The following DCDC1 variants were observed in gnomAD, a reference collection of about 807,000 sequenced individuals.
DCDC1 encodes the protein doublecortin domain containing 1.
Under a neutral mutation model 178.3 loss-of-function variants are expected in DCDC1, and 200 were observed. That is an observed-to-expected ratio of 1.12 (90% CI 1.00 to 1.26). The LOEUF is 1.26. Ranked by LOEUF, DCDC1 falls within the 50% of genes most tolerant of loss-of-function variation. The pLI is 0.00. For missense variants in DCDC1, 1,983 were observed against 1,749.2 expected (o/e 1.13, Z -2.38); for synonymous variants, 690 against 604.8 (o/e 1.14, Z -2.07).
At chr11:30,973,110 A>T (rs937705513) in intron 20 of DCDC1, among the ~76,000 whole-genome samples, 4 of 151,892 alleles carry the variant, frequency 2.6e-5, no homozygotes, top group Non-Finnish European at 5.9e-5. Flanking sequence ...CATCTCTACT[A>T]AAAATACAAA....
At chr11:30,917,179 A>G (rs556539093) in intron 25 of DCDC1, among the ~76,000 whole-genome samples, 151 bp from the exon 26 acceptor site, 1 of 152,324 alleles carries the variant, frequency 6.6e-6, no homozygotes, top group Non-Finnish European at 1.5e-5. Flanking sequence ...GGAAATTCAC[A>G]TCTCACTAAT....
At chr11:31,125,103 A>G (rs1286484495) in intron 11 of DCDC1, among the ~76,000 whole-genome samples, 1 of 152,160 alleles carries the variant, frequency 6.6e-6, no homozygotes, top group African/African-American at 2.4e-5. Flanking sequence ...CCCCATTAAA[A>G]AGTGGGCAAA....
intron 9 of DCDC1, among the ~76,000 whole-genome samples, chr11:31,208,196 T>C (rs1470379030): frequency 6.6e-6 from 1 of 152,174 alleles, no homozygotes; most frequent in Non-Finnish European, 1.5e-5. Context: ...GTCTGTTCAA[T>C]TACCTACTCA....
intron 8 of DCDC1, among the ~76,000 whole-genome samples, chr11:31,261,876 A>G (rs760077581): frequency 6.6e-6 from 1 of 152,202 alleles, no homozygotes; most frequent in African/African-American, 2.4e-5. Flanking sequence ...GTAACAATAA[A>G]AATGTCTTTA....
rs761884719 is a variant in DCDC1, at chr11:31,307,788, T to C, written c.285A>G (p.Gln95=). The stretch of plus-strand genomic sequence containing the variant: ...ATGCTGTTTGATGTGTGGAGCAATC[T>C]TGAAGTCCTGACCCTTCTGATACTG... ...SAAVSEGSGL[Q]DCSTHQTASD... The change falls in exon 4 of 39, where the codon CAA becomes CAG. Residue 95 remains glutamine (Q), a synonymous_variant. Transcript: ENST00000684477. 4 of 1,614,022 alleles carry C rather than the reference T, an allele frequency of 2.5e-6. No homozygotes were observed. Among genetic ancestry groups the C allele is most frequent in the Non-Finnish European group, 1.7e-6 (2 of 1,180,006 alleles).
intron 20 of DCDC1, among the ~76,000 whole-genome samples, chr11:30,988,802 C>T (rs528821361): frequency 6.6e-6 from 1 of 152,196 alleles, no homozygotes; most frequent in South Asian, 2.1e-4. Context: ...TCGTAGGCTA[C>T]ATGTGGCCCA....
intron 22 of DCDC1, among the ~76,000 whole-genome samples, chr11:30,930,676 G>A (rs1946867825): frequency 6.6e-6 from 1 of 152,102 alleles, no homozygotes; most frequent in Non-Finnish European, 1.5e-5. Context: ...AAACATTGAT[G>A]TGATAATATC....
intron 22 of DCDC1, among the ~76,000 whole-genome samples, chr11:30,927,340 G>A (rs1299581769): frequency 6.6e-6 from 1 of 151,384 alleles, no homozygotes. Flanking sequence ...AGTTAGTTGG[G>A]AGTTCCTTGA....
intron 36 of DCDC1, among the ~76,000 whole-genome samples, chr11:30,887,967 C>T (rs1348271766): frequency 6.9e-6 from 1 of 145,232 alleles, no homozygotes; most frequent in Non-Finnish European, 1.5e-5. Flanking sequence ...CATGCCATTG[C>T]ACTCCAGCCT....
intron 10 of DCDC1, among the ~76,000 whole-genome samples, chr11:31,128,278 T>C (rs1279003810): frequency 6.6e-6 from 1 of 152,100 alleles, no homozygotes; most frequent in Non-Finnish European, 1.5e-5. Flanking sequence ...ACGTATAGTT[T>C]TTCCAGAAAC....
intron 18 of DCDC1, among the ~76,000 whole-genome samples, chr11:31,073,421 T>A (rs1956686252): frequency 6.6e-6 from 1 of 152,218 alleles, no homozygotes; most frequent in South Asian, 2.1e-4. Context: ...AAAACTTGAT[T>A]CTGCTTTTCT....
At chr11:30,880,016 C>T (rs778257793) in intron 37 of DCDC1, among the ~76,000 whole-genome samples, 4 of 152,098 alleles carry the variant, frequency 2.6e-5, no homozygotes, top group Admixed American at 6.6e-5. Flanking sequence ...AATTATTTCA[C>T]GTGTGTTCAT....
At chr11:31,041,000 T>C (rs1954409114) in intron 20 of DCDC1, among the ~76,000 whole-genome samples, 1 of 152,234 alleles carries the variant, frequency 6.6e-6, no homozygotes, top group African/African-American at 2.4e-5. Context: ...TCCAGAAGCA[T>C]TATCACATGT....
intron 18 of DCDC1, among the ~76,000 whole-genome samples, chr11:31,071,359 G>C (rs1014571498): frequency 2.6e-5 from 4 of 152,056 alleles, no homozygotes; most frequent in African/African-American, 9.7e-5. Context: ...ATACATTTTG[G>C]TGCAAACTAT....
At chr11:31,072,189 T>A (rs901746667) in intron 18 of DCDC1, among the ~76,000 whole-genome samples, 1 of 152,198 alleles carries the variant, frequency 6.6e-6, no homozygotes, top group Non-Finnish European at 1.5e-5. Flanking sequence ...ACAGTTATTT[T>A]ATATCTAGTG....
chr11:31,187,848 C>G (rs549529062), intron 9 of DCDC1, among the ~76,000 whole-genome samples: 1 of 152,234 alleles, frequency 6.6e-6, no homozygotes, highest in Non-Finnish European at 1.5e-5. Flanking sequence ...CATCCCTTCG[C>G]CAAATAATGG....
intron 8 of DCDC1, among the ~76,000 whole-genome samples, chr11:31,261,347 T>C (rs1463862694): frequency 6.6e-6 from 1 of 152,198 alleles, no homozygotes; most frequent in Admixed American, 6.5e-5. Flanking sequence ...TCCCAAACCC[T>C]AGTTTCCCCA....
At chr11:31,335,300 C>T (rs952494227) in intron 2 of DCDC1, 147 bp downstream of exon 2, 7 of 152,200 alleles carry the variant, frequency 4.6e-5, no homozygotes, top group South Asian at 2.1e-4. Flanking sequence ...TTCCAGGTAC[C>T]GTCTGTCATG....
intron 8 of DCDC1, among the ~76,000 whole-genome samples, chr11:31,258,941 G>T (rs914245616): frequency 6.6e-6 from 1 of 152,064 alleles, no homozygotes; most frequent in African/African-American, 2.4e-5. Flanking sequence ...GAAAAGGAAA[G>T]AACATTAAGA....
Sources: gnomAD v4.1 joint callset for allele counts (sites outside exome capture counted in the v4.1 genomes callset) on GRCh38, gnomAD v4.1.1 for gene constraint, MANE v1.5 for transcripts, NCBI Gene and HGNC (gene_info 2026-07-23, HGNC 2026-07-21) for gene names.